LLGL2: variants seen among roughly 807,000 people sequenced by gnomAD.
LLGL2 encodes the protein LLGL2, scribble cell polarity complex component.
A neutral mutation model predicts 123.2 loss-of-function variants in LLGL2; 81 were observed. The ratio of observed to expected loss-of-function variants is 0.66; its 90% CI spans 0.55 to 0.79. LLGL2 has a LOEUF of 0.79. LLGL2 is among the 30% of genes least tolerant of loss of function. The pLI is 0.00. For synonymous variants in LLGL2, 577 were observed against 594.1 expected (o/e 0.97, Z 0.42); for missense variants, 1,273 against 1,414.6 (o/e 0.90, Z 1.61).
intron 2 of LLGL2, among the ~76,000 whole-genome samples, chr17:75,550,212 G>A (rs1427249065): frequency 6.6e-6 from 1 of 152,248 alleles, no homozygotes; most frequent in Non-Finnish European, 1.5e-5. Flanking sequence ...CCCGCCCTCT[G>A]TCCTGAGTGC....
At chr17:75,542,397 T>C (rs752882431) in intron 1 of LLGL2, among the ~76,000 whole-genome samples, 1 of 151,976 alleles carries the variant, frequency 6.6e-6, no homozygotes, top group Non-Finnish European at 1.5e-5. Flanking sequence ...CCTTCCCCCA[T>C]CCTGCTGGGA....
intron 1 of LLGL2, among the ~76,000 whole-genome samples, chr17:75,527,901 C>T (rs1264081946): frequency 1.3e-5 from 2 of 151,632 alleles, no homozygotes; most frequent in Non-Finnish European, 2.9e-5. Context: ...GATCCTCCCA[C>T]CTCAGCCTTC....
chr17:75,542,299 G>T (rs2054245114), intron 1 of LLGL2, among the ~76,000 whole-genome samples: 1 of 152,006 alleles, frequency 6.6e-6, no homozygotes, highest in Non-Finnish European at 1.5e-5. Flanking sequence ...TCTCCCTCCT[G>T]CAGTCAAAGC....
chr17:75,556,115 A>T lies in LLGL2; in HGVS notation c.145A>T (p.Ile49Phe), dbSNP rs745841597. The T allele has an allele frequency of 1.2e-6, 2 of 1,610,058 alleles. No homozygotes were observed. The highest frequency in any genetic ancestry group is 2.7e-5 in the African/African-American group (2 of 74,904). Reference protein sequence around the residue: ...GYSPSLRILAIGTRSGAIKLY... With the variant: ...GYSPSLRILAFGTRSGAIKLY... ...CAGCCCGTCCCTGCGCATCCTGGCC[A>T]TCGGCACCCGTTCTGGAGCCATCAA... Residue 49 changes from isoleucine to phenylalanine, a missense_variant, in exon 3 of 26, where the codon ATC becomes TTC. Coordinates refer to ENST00000392550, the MANE Select transcript of LLGL2 (RefSeq NM_001031803.2).
At chr17:75,538,648 G>A (rs980881742) in intron 1 of LLGL2, 4 of 152,228 alleles carry the variant, frequency 2.6e-5, no homozygotes, top group African/African-American at 9.7e-5. Context: ...TAATCAACAA[G>A]ATTAATAAGT....
intron 1 of LLGL2, among the ~76,000 whole-genome samples, chr17:75,536,489 A>G (rs1411909928): frequency 1.3e-5 from 2 of 152,070 alleles, no homozygotes; most frequent in Non-Finnish European, 2.9e-5. Flanking sequence ...GGGCCTAACT[A>G]TTCCGTGTCT....
chr17:75,531,949 CTG>C (rs1398574104), intron 1 of LLGL2, among the ~76,000 whole-genome samples: 1 of 152,026 alleles, frequency 6.6e-6, no homozygotes, highest in Non-Finnish European at 1.5e-5. Flanking sequence ...TCGGCAGAGA[CTG>C]GAGCCTTCTC....
In LLGL2 at chr17:75,569,988, A is replaced by AGGCAGC. The variant is rs1426598087; in HGVS notation, c.1610_1615dup (p.Ala537_Ala538dup). 1 of 1,604,538 alleles carries AGGCAGC rather than the reference A, an allele frequency of 6.2e-7. No individual in the cohort carries two copies. Among genetic ancestry groups the AGGCAGC allele is most frequent in the South Asian group, 1.1e-5 (1 of 90,462 alleles). ...GTGCTGGTACTGGAACTGAATGACG[A>AGGCAGC]GGCAGCGGAGCAGGCTGTGGAGCAG... On this transcript the variant is annotated inframe_insertion, in exon 15 of 26. Coordinates refer to ENST00000392550, the MANE Select transcript of LLGL2 (RefSeq NM_001031803.2).
At chr17:75,555,621 C>T (rs981815140) in intron 2 of LLGL2, among the ~76,000 whole-genome samples, 5 of 152,096 alleles carry the variant, frequency 3.3e-5, no homozygotes, top group Admixed American at 1.3e-4. Context: ...TGGGTGAGCC[C>T]GGAGCTGCGG....
chr17:75,557,871 A>T, intron 3 of LLGL2: 1 of 470,166 alleles, frequency 2.1e-6, no homozygotes, highest in Non-Finnish European at 4.0e-6. Flanking sequence ...TCAGGGTGGC[A>T]GCCTGACAGT....
At position 75,569,078 on chromosome 17, in the gene LLGL2, C is replaced by A; in HGVS notation, c.1423C>A (p.Pro475Thr). The A allele has an allele frequency of 6.2e-7, 1 of 1,613,236 alleles. No individual in the cohort carries two copies. Among genetic ancestry groups the A allele is most frequent in the South Asian group, 1.1e-5 (1 of 90,978 alleles). The change falls in exon 13 of 26, where the codon CCC becomes ACC. Residue 475 changes from proline to threonine, a missense_variant. Coordinates refer to ENST00000392550, the MANE Select transcript of LLGL2 (RefSeq NM_001031803.2). ...GCGCGTGTTCCTCACCGACACGGAC[C>A]CCAACGAGAACTTCAGTGCCCAGGG... ...TVRVFLTDTD[P>T]NENFSAQGED...
intron 1 of LLGL2, among the ~76,000 whole-genome samples, chr17:75,528,109 TTTTATTTA>T (rs939513230): frequency 2.0e-5 from 3 of 150,410 alleles, no homozygotes; most frequent in African/African-American, 7.3e-5. Context: ...TTTTTATTAT[TTTTATTTA>T]TTTATTTATT....
At position 75,558,157 on chromosome 17, in the gene LLGL2, A is replaced by T. The variant is rs772239392; in HGVS notation, c.176A>T (p.Tyr59Phe). The change falls in exon 4 of 26, where the codon TAC (tyrosine) becomes TTC (phenylalanine). Residue 59 changes from tyrosine (Y) to phenylalanine (F), a missense_variant and splice_region_variant. Coordinates refer to ENST00000392550, the MANE Select transcript of LLGL2 (RefSeq NM_001031803.2). The surrounding 1 kb of genome is among the most constrained non-coding windows in gnomAD (Gnocchi z 4.0). ...AGCTTTCCTGAGCCTACTCCTAGCT[A>T]CGGAGCCCCAGGCGTGGAGTTCATG... ...IGTRSGAIKL[Y>F]GAPGVEFMGL... The T allele has an allele frequency of 1.9e-6, 3 of 1,613,728 alleles. No homozygotes were observed. In the Admixed American group the frequency reaches 5.0e-5, roughly 27 times the overall value.
chr17:75,559,186 G>A lies in LLGL2; in HGVS notation c.372-66G>A. 2 of 1,482,028 alleles carry A rather than the reference G, an allele frequency of 1.3e-6. No homozygotes were observed. Among genetic ancestry groups the A allele is most frequent in the Non-Finnish European group, 1.8e-6 (2 of 1,115,706 alleles). 91.8% of individuals were successfully genotyped at this position (1,482,028 alleles called of 1,614,324 possible). A position where few individuals can be genotyped will look rare whatever the true frequency, so the allele number is the denominator to read the frequency against. On this transcript the variant is annotated intron_variant, in intron 5 of 25. Transcript: ENST00000392550. This position sits in a 1 kb window ranked among gnomAD's most constrained non-coding sequence, Gnocchi z 4.6. ...GGGCTTGTTTTCCGAGGAGTCAGGG[G>A]ACCCCGTCCATGGCATCTCCCCTGC...
intron 3 of LLGL2, chr17:75,557,697 C>CCTCGG (rs1311449638): frequency 3.2e-6 from 1 of 310,608 alleles, no homozygotes; most frequent in African/African-American, 2.2e-5. Flanking sequence ...CTCAGCCTTC[C>CCTCGG]CTCGGCTGGT....
At chr17:75,551,117 G>T (rs2054652923) in intron 2 of LLGL2, among the ~76,000 whole-genome samples, 1 of 152,170 alleles carries the variant, frequency 6.6e-6, no homozygotes, top group African/African-American at 2.4e-5. Context: ...CATTCTCTTG[G>T]CCCTGTCCAG....
chr17:75,560,549 C>T (rs1363949338), intron 6 of LLGL2, among the ~76,000 whole-genome samples: 1 of 152,038 alleles, frequency 6.6e-6, no homozygotes, highest in Non-Finnish European at 1.5e-5. Context: ...TGCAATGGCA[C>T]GATCTTGGCT....
chr17:75,564,957 T>A lies in LLGL2; in HGVS notation c.1036+450T>A, dbSNP rs372195190. ...CACTGCACCCCAAGGTGCAGTGTCA[T>A]CAAGCCCTACAGCTCCTTTCTCTGC... On this transcript the variant is annotated intron_variant, in intron 10 of 25. Transcript: ENST00000392550. This position sits in a 1 kb window ranked among gnomAD's most constrained non-coding sequence, Gnocchi z 4.9. 4.6e-4 allele frequency among the ~76,000 whole-genome samples: 70 copies of A among 151,022 alleles called. No homozygotes were observed. Among genetic ancestry groups the A allele is most frequent in the African/African-American group, 1.5e-3 (63 of 41,132 alleles).
At chr17:75,526,165 A>G (rs1354495416) in intron 1 of LLGL2, among the ~76,000 whole-genome samples, 1 of 151,998 alleles carries the variant, frequency 6.6e-6, no homozygotes, top group African/African-American at 2.4e-5. Flanking sequence ...CCCCGGGCCC[A>G]CGTGCAGGCG....
Sources: gnomAD v4.1 joint callset for allele counts (sites outside exome capture counted in the v4.1 genomes callset) on GRCh38, gnomAD v4.1.1 for gene constraint, Gnocchi (gnomAD v3.1) non-coding constraint, MANE v1.5 for transcripts, NCBI Gene and HGNC (gene_info 2026-07-23, HGNC 2026-07-21) for gene names.